The following UGT2A1 variants were observed in gnomAD, a reference collection of about 807,000 sequenced individuals.
The protein encoded by UGT2A1 is UDP-glucuronosyltransferase 2A1.
UGT2A1 carries 61 observed loss-of-function variants against 45.4 expected under a neutral mutation model. That is an observed-to-expected ratio of 1.34 (90% CI 1.09 to 1.66). UGT2A1 has a LOEUF of 1.66. Among genes scored for constraint, UGT2A1 ranks in the 40% most tolerant of loss-of-function variants. The probability of loss-of-function intolerance (pLI) is 0.00; values close to 1 mark genes in which losing one functional copy is unlikely to be tolerated. For synonymous variants in UGT2A1, 229 were observed against 196.2 expected (o/e 1.17, Z -1.40); for missense variants, 649 against 574.3 (o/e 1.13, Z -1.33).
intron 3 of UGT2A1, among the ~76,000 whole-genome samples, chr4:69,617,594 T>C (rs1019586865): frequency 6.6e-6 from 1 of 151,854 alleles, no homozygotes; most frequent in African/African-American, 2.4e-5. Flanking sequence ...AAATTAGGGC[T>C]AGTGCTATCT....
intron 2 of UGT2A1, among the ~76,000 whole-genome samples, chr4:69,646,074 AT>A (rs763855072): frequency 1.8e-4 from 28 of 151,930 alleles, no homozygotes; most frequent in Non-Finnish European, 3.5e-4. Flanking sequence ...ATATTTCCAT[AT>A]TTACATAATT....
chr4:69,604,601 C>T lies in UGT2A1; in HGVS notation c.848-5207G>A, dbSNP rs565270520. Among the ~76,000 whole-genome samples, 5 of 136,734 alleles carry T rather than the reference C, an allele frequency of 3.7e-5. 1 individual carries two copies. In the South Asian group the frequency reaches 1.2e-3, roughly 33 times the overall value. 89.7% of individuals were successfully genotyped at this position (136,734 alleles called of 152,430 possible). ...ACCTTAAACATAAATGGGCTAAATG[C>T]TCCAATTAAAAGACACAGACTGGCA... On this transcript the variant is annotated intron_variant, in intron 3 of 6. Coordinates refer to ENST00000286604, the MANE Select transcript of UGT2A1 (RefSeq NM_001252275.3).
chr4:69,598,734 C>T (rs1719079520), intron 4 of UGT2A1, among the ~76,000 whole-genome samples: 1 of 151,962 alleles, frequency 6.6e-6, no homozygotes, highest in South Asian at 2.1e-4. Context: ...CAATTGTTTC[C>T]TAACAGTAGA....
chr4:69,596,142 TACTC>T (rs1718910727), intron 4 of UGT2A1: 1 of 1,309,236 alleles, frequency 7.6e-7, no homozygotes, highest in South Asian at 2.9e-5. Flanking sequence ...TTACTAGTGA[TACTC>T]AGTGTATAAT....
chr4:69,620,636 T>A (rs1296509872), intron 3 of UGT2A1, among the ~76,000 whole-genome samples: 1 of 144,014 alleles, frequency 6.9e-6, no homozygotes, highest in African/African-American at 2.6e-5. Context: ...AAAACTATTT[T>A]AAAATATATA....
intron 3 of UGT2A1, among the ~76,000 whole-genome samples, chr4:69,618,107 A>G (rs1201338679): frequency 6.6e-6 from 1 of 151,968 alleles, no homozygotes; most frequent in Non-Finnish European, 1.5e-5. Flanking sequence ...ATGTTTTTAT[A>G]TAGATATTTA....
chr4:69,591,281 G>A (rs781106755), intron 6 of UGT2A1, among the ~76,000 whole-genome samples: 65 of 152,274 alleles, frequency 4.3e-4, no homozygotes, highest in Admixed American at 1.7e-3. Flanking sequence ...ATTTTAGGAA[G>A]GCATAAGACA....
chr4:69,599,303 T>C lies in UGT2A1; in HGVS notation c.939A>G (p.Leu313=). The change falls in exon 4 of 7, where the codon TTA becomes TTG. Residue 313 remains leucine (L), a synonymous_variant. Coordinates refer to ENST00000286604, the MANE Select transcript of UGT2A1 (RefSeq NM_001252275.3). ...YWDFEFPRPY[L]PNFEFVGGLH... is the part of the protein sequence containing the mutation. ...ATCCTCCAACAAACTCAAAATTAGG[T>C]AAGTATGGACGAGGAAATTCAAAAT... 6.2e-7 allele frequency: 1 copy of C among 1,613,800 alleles called. No individual in the cohort carries two copies. Among genetic ancestry groups the C allele is most frequent in the Non-Finnish European group, 8.5e-7 (1 of 1,179,918 alleles).
intron 1 of UGT2A1, among the ~76,000 whole-genome samples, chr4:69,652,323 G>A (rs1351776247): frequency 1.1e-5 from 1 of 91,650 alleles, no homozygotes; most frequent in African/African-American, 4.5e-5. Context: ...TGCTCTTGTT[G>A]TCCAAGCTGG....
chr4:69,595,205 G>A lies in UGT2A1; in HGVS notation c.1041C>T (p.Asn347=), dbSNP rs541627076. 55 of 1,613,668 alleles carry A rather than the reference G, an allele frequency of 3.4e-5. No individual in the cohort carries two copies. In the Admixed American group the frequency reaches 9.0e-4, roughly 26 times the overall value. The change falls in exon 5 of 7, where the codon AAC becomes AAT. Residue 347 remains asparagine (N), a synonymous_variant. Transcript: ENST00000286604. ...YKGKKPATLG[N]NTQLFDWIPQ... Reference sequence around the variant, plus strand: ...GTATCCAATCAAAGAGCTGAGTATTGTTTCCTAATGTGGCTGGTTTCTTTC... The same window carrying A: ...GTATCCAATCAAAGAGCTGAGTATTATTTCCTAATGTGGCTGGTTTCTTTC...
chr4:69,642,479 T>C (rs1447609960), intron 2 of UGT2A1, among the ~76,000 whole-genome samples: 1 of 151,780 alleles, frequency 6.6e-6, no homozygotes, highest in Non-Finnish European at 1.5e-5. Flanking sequence ...AGTAGTAATG[T>C]ATTATTCTAC....
At chr4:69,644,687 C>T (rs888481376) in intron 2 of UGT2A1, among the ~76,000 whole-genome samples, 1 of 151,204 alleles carries the variant, frequency 6.6e-6, no homozygotes, top group East Asian at 1.9e-4. Context: ...GACAGAATAG[C>T]TAGCTCTTCT....
At chr4:69,639,596 C>T in intron 2 of UGT2A1, 1 of 1,607,416 alleles carries the variant, frequency 6.2e-7, no homozygotes, top group Non-Finnish European at 8.5e-7. Flanking sequence ...AAACCAGCAT[C>T]TGGACAAACT....
chr4:69,616,833 C>CTTTTTT (rs4148315), intron 3 of UGT2A1, among the ~76,000 whole-genome samples: 10 of 127,294 alleles, frequency 7.9e-5, no homozygotes, highest in Middle Eastern at 4.0e-3. Flanking sequence ...ATTTTCTTTT[C>CTTTTTT]TTTTTTTTTT....
chr4:69,625,845 A>T (rs1721023730), intron 3 of UGT2A1, among the ~76,000 whole-genome samples: 1 of 151,612 alleles, frequency 6.6e-6, no homozygotes, highest in African/African-American at 2.4e-5. Flanking sequence ...GTTGTCCAAC[A>T]TAATATCAAA....
intron 3 of UGT2A1, among the ~76,000 whole-genome samples, chr4:69,612,168 GA>G (rs1251268561): frequency 2.0e-5 from 3 of 151,816 alleles, no homozygotes; most frequent in African/African-American, 7.3e-5. Context: ...CTTCATGTAT[GA>G]AAATCAGCAA....
intron 3 of UGT2A1, among the ~76,000 whole-genome samples, chr4:69,629,574 T>G (rs1368820254): frequency 6.6e-6 from 1 of 152,192 alleles, no homozygotes. Context: ...TAGACATCTA[T>G]GTGATTGAGC....
chr4:69,595,075 A>G (rs1017949382), intron 5 of UGT2A1, 87 bp downstream of exon 5: 7 of 1,495,580 alleles, frequency 4.7e-6, no homozygotes, highest in Non-Finnish European at 6.4e-6. Flanking sequence ...TAAATTATTA[A>G]AAATGTATTG....
chr4:69,598,462 G>A lies in UGT2A1; in HGVS notation c.996+784C>T, dbSNP rs1466917332. On this transcript the variant is annotated intron_variant, in intron 4 of 6. Transcript: ENST00000286604. ...ATTTCTTTTCTGAAGACTTCATATT[G>A]TAGCATACAATTTCCTTCTCATGCC... is the stretch of plus-strand genomic sequence containing the variant. Among the ~76,000 whole-genome samples, 13 of 151,828 alleles carry A rather than the reference G, an allele frequency of 8.6e-5. No homozygotes were observed. In the East Asian group the frequency reaches 2.5e-3, roughly 29 times the overall value.
Sources: allele counts gnomAD v4.1 joint callset (sites outside exome capture counted in the v4.1 genomes callset), GRCh38; gene constraint gnomAD v4.1.1; transcripts MANE v1.5; gene names NCBI Gene and HGNC (gene_info 2026-07-23, HGNC 2026-07-21).